The following R3HCC1 variants were observed in gnomAD, a reference collection of about 807,000 sequenced individuals.
R3HCC1 encodes R3H domain and coiled-coil containing 1.
In R3HCC1, 32 loss-of-function variants were observed where a neutral mutation model predicts 40.0. The ratio of observed to expected loss-of-function variants is 0.80; its 90% CI spans 0.60 to 1.07. R3HCC1 has a LOEUF of 1.07. R3HCC1 is among the 50% of genes least tolerant of loss of function. The probability of loss-of-function intolerance (pLI) is 0.00; values close to 1 mark genes in which losing one functional copy is unlikely to be tolerated. For missense variants in R3HCC1, 586 were observed against 563.3 expected (o/e 1.04, Z -0.41); for synonymous variants, 237 against 232.8 (o/e 1.02, Z -0.17).
chr8:23,288,719 C>T, intron 2 of R3HCC1, 86 bp downstream of exon 2: 3 of 1,479,286 alleles, frequency 2.0e-6, no homozygotes, highest in Non-Finnish European at 2.7e-6. Context: ...CCAGGTGGTG[C>T]CTGGCAGCTG....
At chr8:23,292,777 C>G (rs1180538065) in intron 5 of R3HCC1, among the ~76,000 whole-genome samples, 2 of 152,204 alleles carry the variant, frequency 1.3e-5, no homozygotes, top group African/African-American at 2.4e-5. Flanking sequence ...GATGGTGCAG[C>G]CAGGCTGGGG....
chr8:23,288,344 C>G (rs995066387), intron 1 of R3HCC1, 162 bp from the exon 2 acceptor site: 11 of 1,162,522 alleles, frequency 9.5e-6, no homozygotes, highest in Non-Finnish European at 1.3e-5. Flanking sequence ...CAGGAGACCC[C>G]TTCCCTGACC....
chr8:23,295,847 G>A (rs1803000783), intron 7 of R3HCC1, 120 bp from the exon 8 acceptor site: 6 of 1,344,702 alleles, frequency 4.5e-6, no homozygotes, highest in Middle Eastern at 1.9e-4. Context: ...CAGCTGGGCC[G>A]AGGCCCCACA....
Position 23,289,124 on chromosome 8 carries a change from G to A in R3HCC1, c.219G>A (p.Arg73=), listed in dbSNP as rs1395660985. Reference sequence around the variant, plus strand: ...TCTCCGTTGGGGAGGGCTGGAAGAGGAGGACGGTCATCTGTCACCAGGACA... The same window carrying A: ...TCTCCGTTGGGGAGGGCTGGAAGAGAAGGACGGTCATCTGTCACCAGGACA... The change falls in exon 3 of 8, where the codon AGG becomes AGA. Residue 73 remains arginine (R), a synonymous_variant. Coordinates refer to ENST00000265806, the MANE Select transcript of R3HCC1 (RefSeq NM_001136108.3). 6.5e-7 allele frequency: 1 copy of A among 1,536,208 alleles called. No individual in the cohort carries two copies. Among genetic ancestry groups the A allele is most frequent in the Non-Finnish European group, 8.7e-7 (1 of 1,146,952 alleles).
intron 6 of R3HCC1, among the ~76,000 whole-genome samples, chr8:23,294,011 T>C (rs1224428766): frequency 1.3e-5 from 2 of 152,190 alleles, no homozygotes; most frequent in East Asian, 1.9e-4. Context: ...CCCCCTTTAC[T>C]GGTCTTCCCA....
rs1432561590 is a variant in R3HCC1, at chr8:23,289,887, C to T, written c.270C>T (p.Leu90=). 2 of 1,526,080 alleles carry T rather than the reference C, an allele frequency of 1.3e-6. No homozygotes were observed. Among genetic ancestry groups the T allele is most frequent in the Non-Finnish European group, 1.8e-6 (2 of 1,141,078 alleles). The allele number at this position is 1,526,080 out of a possible 1,614,324, so 94.5% of individuals were successfully genotyped here. The change falls in exon 4 of 8, where the codon CTC becomes CTT. Residue 90 remains leucine (L), a synonymous_variant. Transcript: ENST00000265806. The stretch of plus-strand genomic sequence containing the variant: ...CCAGGGTACCCAGTTCGGATGGCCT[C>T]TCTGGCCCCTGCCGCGCTCCTGCCT...
At position 23,291,519 on chromosome 8, in the gene R3HCC1, G is replaced by A. The variant is rs770321467; in HGVS notation, c.1011G>A (p.Thr337=). 7.7e-6 allele frequency: 12 copies of A among 1,550,792 alleles called. No homozygotes were observed. The highest frequency in any genetic ancestry group is 7.3e-5 in the East Asian group (3 of 40,926). Residue 337 remains threonine, a synonymous_variant, in exon 5 of 8, where the codon ACG becomes ACA. Coordinates refer to ENST00000265806, the MANE Select transcript of R3HCC1 (RefSeq NM_001136108.3). ...TCAAGACGGAGGACCTGCTGGCAAC[G>A]TTTTCTGAGTTCCAGTGAGTGGTGG...
At chr8:23,293,472 C>G in intron 6 of R3HCC1, 99 bp downstream of exon 6, 2 of 939,244 alleles carry the variant, frequency 2.1e-6, no homozygotes, top group Non-Finnish European at 3.3e-6. Context: ...TGGGCGCAGG[C>G]TCAGCTGAGC....
chr8:23,293,780 A>G (rs770108929), intron 6 of R3HCC1, among the ~76,000 whole-genome samples: 15 of 152,186 alleles, frequency 9.9e-5, no homozygotes, highest in Admixed American at 3.3e-4. Context: ...CTTCAGCCTC[A>G]AGATGTAGGT....
chr8:23,289,132 T>C lies in R3HCC1; in HGVS notation c.227T>C (p.Val76Ala). ...GGGGAGGGCTGGAAGAGGAGGACGGTCATCTGTCACCAGGACATCAGGTGT... is the reference window on the plus strand; with the variant it reads ...GGGGAGGGCTGGAAGAGGAGGACGGCCATCTGTCACCAGGACATCAGGTGT... Residue 76 changes from valine to alanine, a missense_variant, in exon 3 of 8, where the codon GTC becomes GCC. By Grantham distance (64) the Val-to-Ala change is moderately conservative. Transcript: ENST00000265806. 1 of 1,536,224 alleles carries C rather than the reference T, an allele frequency of 6.5e-7. No homozygotes were observed. Among genetic ancestry groups the C allele is most frequent in the Non-Finnish European group, 8.7e-7 (1 of 1,146,892 alleles).
intron 5 of R3HCC1, among the ~76,000 whole-genome samples, chr8:23,292,172 G>C (rs1313660036): frequency 2.6e-5 from 4 of 151,606 alleles, no homozygotes; most frequent in African/African-American, 9.7e-5. Flanking sequence ...CTTTTGTCCA[G>C]GCAGGGGTGC....
At position 23,290,009 on chromosome 8, in the gene R3HCC1, G is replaced by T. The variant is rs139471442; in HGVS notation, c.392G>T (p.Arg131Leu). 2 of 1,538,508 alleles carry T rather than the reference G, an allele frequency of 1.3e-6. No homozygotes were observed. Among genetic ancestry groups the T allele is most frequent in the East Asian group, 4.9e-5 (2 of 40,918 alleles). Reference sequence around the variant, plus strand: ...CGGGCTGGCCGGTGGTATCGTGGACGCAAGCCTGACCAGCCTTTGTATGTG... The same window carrying T: ...CGGGCTGGCCGGTGGTATCGTGGACTCAAGCCTGACCAGCCTTTGTATGTG... Residue 131 changes from arginine (R) to leucine (L), a missense_variant, in exon 4 of 8, where the codon CGC (arginine) becomes CTC (leucine). Physicochemically the swap from Arg to Leu is moderately radical, Grantham distance 102. Transcript: ENST00000265806.
intron 4 of R3HCC1, 136 bp from the exon 5 acceptor site, chr8:23,291,225 A>C (rs1178855191): frequency 1.5e-6 from 2 of 1,290,988 alleles, no homozygotes; most frequent in Non-Finnish European, 2.1e-6. Flanking sequence ...CTTGCAGCCC[A>C]GTCTGCCTGC....
At position 23,289,869 on chromosome 8, in the gene R3HCC1, AC is replaced by A; in HGVS notation, c.255del (p.Ser86ValfsTer66). The A allele has an allele frequency of 6.6e-7, 1 of 1,511,178 alleles. No homozygotes were observed. Among genetic ancestry groups the A allele is most frequent in the Non-Finnish European group, 8.8e-7 (1 of 1,133,114 alleles). 93.6% of individuals were successfully genotyped at this position (1,511,178 alleles called of 1,614,324 possible). On this transcript the variant is annotated frameshift_variant, in exon 4 of 8. Transcript: ENST00000265806. LOFTEE classifies it high-confidence loss of function. ...CCTCCTCCCATTCCTGCTCCAGGGT[AC>A]CCAGTTCGGATGGCCTCTCTGGCCC...
intron 5 of R3HCC1, among the ~76,000 whole-genome samples, chr8:23,293,043 T>C (rs1034341220): frequency 1.3e-5 from 2 of 152,190 alleles, no homozygotes; most frequent in African/African-American, 4.8e-5. Context: ...TATGAGCTCT[T>C]TGAGTCCTGG....
Position 23,291,402 on chromosome 8 carries a change from G to T in R3HCC1, c.894G>T (p.Lys298Asn). The change falls in exon 5 of 8, where the codon AAG (lysine) becomes AAT (asparagine). Residue 298 changes from lysine (K) to asparagine (N), a missense_variant. Transcript: ENST00000265806. ...CGAAGAAGGAGATTCAGATAGAGAA[G>T]ATCCATTTGGACACATCCTCCTTCG... 6.4e-7 allele frequency: 1 copy of T among 1,551,820 alleles called. No individual in the cohort carries two copies. The highest frequency in any genetic ancestry group is 2.4e-5 in the East Asian group (1 of 40,908).
intron 4 of R3HCC1, among the ~76,000 whole-genome samples, chr8:23,290,761 A>G (rs2117121344): frequency 6.6e-6 from 1 of 152,314 alleles, no homozygotes; most frequent in Middle Eastern, 3.4e-3. Flanking sequence ...TCACTAGGTC[A>G]TGGAGATGGA....
chr8:23,292,155 T>TCTTG (rs1802881550), intron 5 of R3HCC1, among the ~76,000 whole-genome samples: 1 of 152,134 alleles, frequency 6.6e-6, no homozygotes, highest in Admixed American at 6.5e-5. Flanking sequence ...TGAGACAGGA[T>TCTTG]CTTGCTCTTT....
chr8:23,288,401 T>A, intron 1 of R3HCC1, 105 bp from the exon 2 acceptor site: 1 of 1,452,066 alleles, frequency 6.9e-7, no homozygotes, highest in South Asian at 1.3e-5. Context: ...CCACCGAGCC[T>A]TGGACCAGAG....
Sources: gnomAD v4.1 joint callset for allele counts (sites outside exome capture counted in the v4.1 genomes callset) on GRCh38, gnomAD v4.1.1 for gene constraint, MANE v1.5 for transcripts, NCBI Gene and HGNC (gene_info 2026-07-23, HGNC 2026-07-21) for gene names.